The following MGAT4C variants were observed in gnomAD, a reference collection of about 807,000 sequenced individuals.
MGAT4C encodes the protein alpha-1,3-mannosyl-glycoprotein 4-beta-N-acetylglucosaminyltransferase C.
In MGAT4C, 19 loss-of-function variants were observed where a neutral mutation model predicts 40.1. The observed-to-expected ratio is 0.47, with a 90% confidence interval of 0.33 to 0.70. MGAT4C has a LOEUF of 0.70. Among genes scored for constraint, MGAT4C ranks in the 30% least tolerant of loss-of-function variants. MGAT4C has a pLI of 0.02. For missense variants in MGAT4C, 491 were observed against 563.2 expected (o/e 0.87, Z 1.30); for synonymous variants, 181 against 187.1 (o/e 0.97, Z 0.27).
intron 2 of MGAT4C, among the ~76,000 whole-genome samples, chr12:86,569,188 C>T (rs939508619): frequency 6.6e-6 from 1 of 151,892 alleles, no homozygotes; most frequent in Admixed American, 6.6e-5. Context: ...AAAAATAACA[C>T]TATATTATAC....
intron 3 of MGAT4C, among the ~76,000 whole-genome samples, chr12:86,393,467 AT>A (rs909441358): frequency 2.0e-5 from 3 of 152,174 alleles, no homozygotes; most frequent in South Asian, 2.1e-4. Context: ...GAGAGACAAA[AT>A]TTTTTTTCCA....
chr12:86,333,188 C>T (rs150748904), intron 4 of MGAT4C, among the ~76,000 whole-genome samples: 1 of 152,298 alleles, frequency 6.6e-6, no homozygotes, highest in East Asian at 1.9e-4. Flanking sequence ...GTCTCACCCT[C>T]ACTTTCAAAG....
intron 3 of MGAT4C, among the ~76,000 whole-genome samples, chr12:86,405,981 A>G (rs1455811564): frequency 1.4e-5 from 2 of 138,872 alleles, no homozygotes; most frequent in South Asian, 2.3e-4. Flanking sequence ...ATATATATAT[A>G]TACACAAAAA....
At chr12:86,321,038 A>C (rs531154807) in intron 4 of MGAT4C, among the ~76,000 whole-genome samples, 2 of 152,282 alleles carry the variant, frequency 1.3e-5, no homozygotes, top group African/African-American at 4.8e-5. Flanking sequence ...CTAAAGATGT[A>C]TGGAAATCTT....
intron 2 of MGAT4C, among the ~76,000 whole-genome samples, chr12:86,516,185 T>C (rs1181853056): frequency 2.6e-5 from 4 of 152,102 alleles, no homozygotes; most frequent in Non-Finnish European, 5.9e-5. Context: ...GAAAAATTCA[T>C]ACTACATGAT....
chr12:86,096,717 T>G (rs1444511365), intron 1 of MGAT4C, among the ~76,000 whole-genome samples: 1 of 151,614 alleles, frequency 6.6e-6, no homozygotes, highest in Non-Finnish European at 1.5e-5. Flanking sequence ...TTTTTCCTGC[T>G]GTTGGGATGC....
At chr12:86,512,917 T>C (rs923385592) in intron 2 of MGAT4C, among the ~76,000 whole-genome samples, 2 of 152,122 alleles carry the variant, frequency 1.3e-5, no homozygotes, top group Non-Finnish European at 2.9e-5. Context: ...AAAGGGTAGA[T>C]CTCATATTAA....
At chr12:86,172,633 CT>C (rs1182856061) in intron 1 of MGAT4C, among the ~76,000 whole-genome samples, 2 of 152,062 alleles carry the variant, frequency 1.3e-5, no homozygotes, top group Non-Finnish European at 2.9e-5. Flanking sequence ...ATTCATTTAA[CT>C]TTTGAATTAT....
chr12:86,117,970 T>C (rs1878716220), intron 1 of MGAT4C, among the ~76,000 whole-genome samples: 1 of 151,942 alleles, frequency 6.6e-6, no homozygotes, highest in South Asian at 2.1e-4. Context: ...CTTGCATAAC[T>C]AGAAAAAAAT....
chr12:86,711,741 A>T (rs909731325), intron 2 of MGAT4C, among the ~76,000 whole-genome samples: 3 of 152,168 alleles, frequency 2.0e-5, no homozygotes, highest in Admixed American at 6.6e-5. Context: ...AATTACACAA[A>T]AACGAAGAAT....
intron 2 of MGAT4C, among the ~76,000 whole-genome samples, chr12:86,690,396 C>A (rs1057312934): frequency 6.6e-6 from 1 of 152,168 alleles, no homozygotes; most frequent in Admixed American, 6.5e-5. Context: ...GGATGTCTGA[C>A]CAAACAGCCG....
chr12:86,447,110 A>T (rs1261348557), intron 2 of MGAT4C, among the ~76,000 whole-genome samples: 1 of 152,032 alleles, frequency 6.6e-6, no homozygotes, highest in African/African-American at 2.4e-5. Context: ...AATGAGCAGC[A>T]GCATTCTTTT....
chr12:86,453,402 C>T (rs1456774355), intron 2 of MGAT4C, among the ~76,000 whole-genome samples: 1 of 152,080 alleles, frequency 6.6e-6, no homozygotes, highest in African/African-American at 2.4e-5. Context: ...ATTCCTGAAA[C>T]ATTCTATTTA....
In MGAT4C at chr12:86,068,355, T is replaced by C. The variant is rs369087181; in HGVS notation, c.-56-18632A>G. The C allele has an allele frequency of 2.0e-5, 3 of 152,180 alleles. 1 individual carries two copies. The highest frequency in any genetic ancestry group is 7.2e-5 in the African/African-American group (3 of 41,566). 9.4% of individuals were successfully genotyped at this position (152,180 alleles called of 1,614,324 possible). On this transcript the variant is annotated intron_variant, in intron 1 of 4. Coordinates refer to ENST00000611864, the MANE Select transcript of MGAT4C (RefSeq NM_001351288.2). ...AAAGTAGCAAGTTTTGTCATCATCA[T>C]TGATATTAGTTTGTTTTTCATTTAT... is the stretch of plus-strand genomic sequence containing the variant.
intron 2 of MGAT4C, among the ~76,000 whole-genome samples, chr12:86,718,264 T>C (rs1950680518): frequency 6.6e-6 from 1 of 152,200 alleles, no homozygotes; most frequent in Non-Finnish European, 1.5e-5. Flanking sequence ...ATGTTCTCAG[T>C]ATTTCAATAG....
At chr12:86,301,026 C>G (rs1329247500) in intron 4 of MGAT4C, among the ~76,000 whole-genome samples, 1 of 152,076 alleles carries the variant, frequency 6.6e-6, no homozygotes, top group Non-Finnish European at 1.5e-5. Flanking sequence ...CTCGTGGGAG[C>G]AGAAAAGTAA....
chr12:86,766,874 T>C (rs539405721), intron 1 of MGAT4C, among the ~76,000 whole-genome samples: 68 of 151,502 alleles, frequency 4.5e-4, no homozygotes, highest in African/African-American at 1.5e-3. Context: ...AAGCAGTGTG[T>C]AGAGGGAAAT....
At chr12:86,801,708 G>C (rs1952228732) in intron 1 of MGAT4C, among the ~76,000 whole-genome samples, 2 of 151,800 alleles carry the variant, frequency 1.3e-5, no homozygotes, top group African/African-American at 4.8e-5. Flanking sequence ...TACATTGGTT[G>C]TGATCTGACA....
In MGAT4C at chr12:86,782,561, T is replaced by C. The variant is rs547029399; in HGVS notation, c.-261-55320A>G. On this transcript the variant is annotated intron_variant, in intron 1 of 7. Coordinates refer to the MGAT4C transcript ENST00000548651. The stretch of plus-strand genomic sequence containing the variant: ...ATCTCACGAATGTTGTTATTAGTAG[T>C]GTAAATGAGTTTTTTAAAATAATGC... Among the ~76,000 whole-genome samples the C allele has an allele frequency of 9.7e-4, 148 of 152,296 alleles. 4 individuals carry two copies. The highest frequency in any genetic ancestry group is 1.0e-3 in the South Asian group (5 of 4,822).
Sources: allele counts gnomAD v4.1 joint callset (sites outside exome capture counted in the v4.1 genomes callset), GRCh38; gene constraint gnomAD v4.1.1; transcripts MANE v1.5; gene names NCBI Gene and HGNC (gene_info 2026-07-23, HGNC 2026-07-21).